Variants in ARMC1 observed in about 807,000 individuals in gnomAD.
ARMC1 encodes the protein armadillo repeat-containing protein 1.
ARMC1 carries 16 observed loss-of-function variants against 31.4 expected under a neutral mutation model. That is an observed-to-expected ratio of 0.51 (90% CI 0.34 to 0.77). The LOEUF is 0.77. Among genes scored for constraint, ARMC1 ranks in the 30% least tolerant of loss-of-function variants. ARMC1 has a pLI of 0.01. For synonymous variants in ARMC1, 114 were observed against 118.9 expected (o/e 0.96, Z 0.27); for missense variants, 259 against 347.5 (o/e 0.75, Z 2.02).
At chr8:65,622,823 T>C (rs959162130) in intron 2 of ARMC1, among the ~76,000 whole-genome samples, 2 of 151,550 alleles carry the variant, frequency 1.3e-5, no homozygotes, top group East Asian at 1.9e-4. Flanking sequence ...CTGGCCAACA[T>C]GGTGAAACCT....
rs563465716 is a variant in ARMC1 at position 65,602,497 on chromosome 8, T to C, written c.*1897A>G. The C allele has an allele frequency of 7.9e-5, 12 of 152,348 alleles. No homozygotes were observed. In the South Asian group the frequency reaches 2.5e-3, roughly 32 times the overall value. The allele number at this position is 152,348 out of a possible 1,614,324, so 9.4% of individuals were successfully genotyped here. A position where few individuals can be genotyped will look rare whatever the true frequency, so the allele number is the denominator to read the frequency against. On this transcript the variant is annotated 3_prime_UTR_variant, in exon 7 of 7. Transcript: ENST00000276569. Reference sequence around the variant, plus strand: ...TTTTAATTATGTTACCTTTTATTATTTTACAATGTATTTCAAAAAATGCTG... The same window carrying C: ...TTTTAATTATGTTACCTTTTATTATCTTACAATGTATTTCAAAAAATGCTG...
chr8:65,632,914 T>G (rs538823393), intron 1 of ARMC1: 27 of 152,378 alleles, frequency 1.8e-4, no homozygotes, highest in African/African-American at 6.3e-4. Flanking sequence ...TTTCTCTTGT[T>G]TAGTTCAACT....
chr8:65,611,769 AC>A (rs998109168), intron 4 of ARMC1, among the ~76,000 whole-genome samples: 7 of 148,516 alleles, frequency 4.7e-5, no homozygotes, highest in African/African-American at 7.4e-5. Context: ...TTACACTTTC[AC>A]TTTTTTTTTC....
chr8:65,616,575 C>A (rs552913226), intron 3 of ARMC1, among the ~76,000 whole-genome samples: 2 of 152,062 alleles, frequency 1.3e-5, no homozygotes, highest in Non-Finnish European at 2.9e-5. Context: ...AAGTGAGGAG[C>A]GTCTCTGCCT....
intron 4 of ARMC1, among the ~76,000 whole-genome samples, chr8:65,610,150 T>A (rs1339778101): frequency 6.6e-6 from 1 of 151,850 alleles, no homozygotes; most frequent in African/African-American, 2.4e-5. Context: ...CAGGCTGGAG[T>A]GCAATGGCGC....
At chr8:65,612,252 A>T (rs1267679252) in intron 4 of ARMC1, among the ~76,000 whole-genome samples, 1 of 152,150 alleles carries the variant, frequency 6.6e-6, no homozygotes, top group Non-Finnish European at 1.5e-5. Context: ...GGTTGAGGCC[A>T]GGAGTCTGAG....
intron 3 of ARMC1, among the ~76,000 whole-genome samples, chr8:65,614,263 C>T (rs1808204867): frequency 2.0e-5 from 3 of 152,124 alleles, no homozygotes; most frequent in Admixed American, 2.0e-4. Context: ...CAAAAGTTTT[C>T]ATTCTTAAGC....
intron 3 of ARMC1, among the ~76,000 whole-genome samples, chr8:65,614,021 C>A (rs959986333): frequency 6.6e-6 from 1 of 151,256 alleles, no homozygotes; most frequent in East Asian, 1.9e-4. Context: ...CTAACAAGAT[C>A]AGGTTGTAAC....
intron 1 of ARMC1, chr8:65,633,796 G>A (rs1427751262): frequency 1.3e-5 from 2 of 152,370 alleles, no homozygotes; most frequent in East Asian, 1.9e-4. Context: ...GGGGGACAAA[G>A]AAGAAATGAG....
rs1457024238 is a variant in ARMC1 at position 65,609,870 on chromosome 8, A to AG, written c.465+3373_465+3374insC. On this transcript the variant is annotated intron_variant, in intron 4 of 6. Transcript: ENST00000276569. ...AAGACTCTGTCTCAAAAAAAAAAAA[A>AG]AAAAAAGAAAAGAAAAAGAAAAAAG... Among the ~76,000 whole-genome samples the AG allele has an allele frequency of 6.6e-3, 286 of 43,146 alleles. 2 individuals carry two copies. Among genetic ancestry groups the AG allele is most frequent in the Middle Eastern group, 0.011 (1 of 90 alleles). 28.3% of individuals were successfully genotyped at this position (43,146 alleles called of 152,430 possible). A position where few individuals can be genotyped will look rare whatever the true frequency, so the allele number is the denominator to read the frequency against.
chr8:65,627,256 A>G lies in ARMC1; in HGVS notation c.143T>C (p.Met48Thr). Residue 48 changes from methionine to threonine, a missense_variant, in exon 2 of 7, where the codon ATG (methionine) becomes ACG (threonine). Around this residue, in one of 3 missense-constraint regions of ARMC1, gnomAD observed 163 missense variants for 186.7 expected, o/e 0.87. Coordinates refer to ENST00000276569, the MANE Select transcript of ARMC1 (RefSeq NM_018120.6). ...QGCLPGLILF[M>T]DHPNPPVVHS... ...GACGACTGGAGGGTTGGGATGGTCC[A>G]TAAATAAAATAAGGCCAGGCAGACA... The G allele has an allele frequency of 6.2e-7, 1 of 1,609,064 alleles. No individual in the cohort carries two copies. The highest frequency in any genetic ancestry group is 8.5e-7 in the Non-Finnish European group (1 of 1,177,466).
At chr8:65,616,387 G>A (rs1030153337) in intron 3 of ARMC1, among the ~76,000 whole-genome samples, 6 of 152,174 alleles carry the variant, frequency 3.9e-5, no homozygotes, top group Admixed American at 6.5e-5. Flanking sequence ...TGCCAGCCTC[G>A]GCCTCCCGAG....
intron 4 of ARMC1, 105 bp downstream of exon 4, chr8:65,613,138 CA>C: frequency 2.3e-6 from 2 of 882,890 alleles, no homozygotes; most frequent in Non-Finnish European, 3.3e-6. Flanking sequence ...CCCTTTTTAT[CA>C]GTAAAATACT....
chr8:65,612,574 A>G (rs952559900), intron 4 of ARMC1, among the ~76,000 whole-genome samples: 11 of 152,124 alleles, frequency 7.2e-5, no homozygotes, highest in African/African-American at 2.4e-4. Context: ...CTCAAAGAAC[A>G]TGCTTTGGGC....
chr8:65,612,671 G>T (rs1241224569), intron 4 of ARMC1, among the ~76,000 whole-genome samples: 1 of 150,460 alleles, frequency 6.6e-6, no homozygotes, highest in Non-Finnish European at 1.5e-5. Context: ...AGACCAGCCT[G>T]GCCAACATGG....
chr8:65,612,624 A>AG (rs1278371093), intron 4 of ARMC1, among the ~76,000 whole-genome samples: 1 of 151,890 alleles, frequency 6.6e-6, no homozygotes, highest in Non-Finnish European at 1.5e-5. Context: ...GCACTTTGGG[A>AG]GGCTGAGGCA....
intron 4 of ARMC1, among the ~76,000 whole-genome samples, chr8:65,606,285 C>T (rs1439958552): frequency 2.0e-5 from 3 of 149,902 alleles, no homozygotes; most frequent in African/African-American, 7.4e-5. Context: ...CACTTGAACC[C>T]GGGAGGCGGA....
chr8:65,627,783 C>T (rs935489205), intron 1 of ARMC1, among the ~76,000 whole-genome samples: 6 of 152,174 alleles, frequency 3.9e-5, no homozygotes, highest in East Asian at 3.9e-4. Flanking sequence ...TGCTTTTTAT[C>T]CTCTAGACTA....
intron 2 of ARMC1, among the ~76,000 whole-genome samples, chr8:65,622,761 C>A (rs1220792119): frequency 6.6e-5 from 10 of 151,476 alleles, no homozygotes; most frequent in Admixed American, 1.3e-4. Flanking sequence ...CAGTGGCTCA[C>A]ACCTATAATC....
Sources: gnomAD v4.1 joint callset for allele counts (sites outside exome capture counted in the v4.1 genomes callset) on GRCh38, gnomAD v4.1.1 for gene constraint, gnomAD v4.1.1 regional missense constraint, MANE v1.5 for transcripts, NCBI Gene and HGNC (gene_info 2026-07-23, HGNC 2026-07-21) for gene names.